Variants in PHACTR1 observed in about 807,000 individuals in gnomAD.
PHACTR1 encodes the protein RPEL repeat containing 1.
PHACTR1 carries 16 observed loss-of-function variants against 69.2 expected under a neutral mutation model. That is an observed-to-expected ratio of 0.23 (90% CI 0.16 to 0.35). The LOEUF is 0.35. Ranked by LOEUF, PHACTR1 falls within the 10% of genes least tolerant of loss-of-function variation. The pLI is 1.00. For synonymous variants in PHACTR1, 312 were observed against 284.5 expected, an observed-to-expected ratio of 1.10 and a Z score of -0.97; for missense variants, 510 against 734.7, an observed-to-expected ratio of 0.69 and a Z score of 3.54.
intron 4 of PHACTR1, among the ~76,000 whole-genome samples, chr6:12,775,599 A>G (rs527875022): frequency 2.0e-5 from 3 of 152,318 alleles, no homozygotes; most frequent in Middle Eastern, 3.4e-3. Context: ...TAAAAAACCC[A>G]TTGTGGTGGA....
At chr6:12,902,107 A>G (rs1785262711) in intron 4 of PHACTR1, among the ~76,000 whole-genome samples, 1 of 152,124 alleles carries the variant, frequency 6.6e-6, no homozygotes, top group Admixed American at 6.6e-5. Context: ...CCAGCCCTCA[A>G]GGTCAGCAGA....
At chr6:12,750,501 AAAG>A (rs1474884654) in intron 4 of PHACTR1, among the ~76,000 whole-genome samples, 6 of 150,024 alleles carry the variant, frequency 4.0e-5, no homozygotes, top group South Asian at 2.2e-4. Flanking sequence ...CTAGGGAAGA[AAAG>A]AAGGAAGGAG....
intron 4 of PHACTR1, among the ~76,000 whole-genome samples, chr6:12,922,346 T>G (rs1291206795): frequency 2.0e-5 from 3 of 152,198 alleles, no homozygotes; most frequent in African/African-American, 4.8e-5. Context: ...TAGCTCTGTC[T>G]TATTTTACGT....
intron 4 of PHACTR1, among the ~76,000 whole-genome samples, chr6:12,775,452 C>T (rs931269260): frequency 3.3e-5 from 5 of 152,206 alleles, no homozygotes; most frequent in Non-Finnish European, 7.3e-5. Context: ...ACTCATTAAT[C>T]GTGTGGCCTA....
intron 8 of PHACTR1, among the ~76,000 whole-genome samples, chr6:13,209,779 G>T (rs192594158): frequency 1.3e-5 from 2 of 152,190 alleles, no homozygotes; most frequent in African/African-American, 4.8e-5. Context: ...AAGAAGGTCT[G>T]ACTGTTAGAA....
chr6:13,208,233 G>C (rs775214393), intron 8 of PHACTR1, among the ~76,000 whole-genome samples: 1 of 152,122 alleles, frequency 6.6e-6, no homozygotes, highest in Non-Finnish European at 1.5e-5. Flanking sequence ...GGTTCACTAA[G>C]TTCCCCAAAG....
intron 7 of PHACTR1, among the ~76,000 whole-genome samples, chr6:13,194,707 T>C (rs1384150968): frequency 6.6e-6 from 1 of 152,228 alleles, no homozygotes; most frequent in Non-Finnish European, 1.5e-5. Flanking sequence ...ATTTGTTAAT[T>C]AGCCTGATTT....
intron 5 of PHACTR1, among the ~76,000 whole-genome samples, chr6:13,101,013 A>G (rs746114993): frequency 2.5e-4 from 38 of 152,360 alleles, no homozygotes; most frequent in South Asian, 1.2e-3. Flanking sequence ...CTGATTTAGT[A>G]AATCTTGAAT....
intron 4 of PHACTR1, among the ~76,000 whole-genome samples, chr6:13,050,504 A>G (rs1561752755): frequency 6.6e-6 from 1 of 152,114 alleles, no homozygotes; most frequent in African/African-American, 2.4e-5. Flanking sequence ...TTTTGATCCC[A>G]CTTCTTCGCC....
intron 5 of PHACTR1, among the ~76,000 whole-genome samples, chr6:13,067,076 T>G (rs1018259354): frequency 6.6e-6 from 1 of 152,212 alleles, no homozygotes; most frequent in Non-Finnish European, 1.5e-5. Context: ...TGTTTCCTTC[T>G]TCCCAGGTAG....
intron 6 of PHACTR1, among the ~76,000 whole-genome samples, chr6:13,181,873 G>GT (rs1363942026): frequency 1.3e-5 from 2 of 152,032 alleles, no homozygotes; most frequent in African/African-American, 2.4e-5. Flanking sequence ...GGCTTGCTGA[G>GT]TTTTTTCCCA....
intron 5 of PHACTR1, among the ~76,000 whole-genome samples, chr6:13,100,429 C>T (rs2127857572): frequency 6.6e-6 from 1 of 152,294 alleles, no homozygotes; most frequent in African/African-American, 2.4e-5. Flanking sequence ...TACGAAGACA[C>T]ACCATTCAGT....
Position 13,053,505 on chromosome 6 carries a change from G to A in PHACTR1, c.391G>A (p.Glu131Lys), listed in dbSNP as rs773584945. The change falls in exon 5 of 15, where the codon GAA becomes AAA. Residue 131 changes from glutamate (E) to lysine (K), a missense_variant. Coordinates refer to ENST00000332995, the MANE Select transcript of PHACTR1 (RefSeq NM_030948.6). The stretch of plus-strand genomic sequence containing the variant: ...TTGGAAATGGAGGAAGAAGAAAAGC[G>A]AAAAGTTCAAACACACGTCAGCAGG... Reference protein sequence around the residue: ...KPWKWRKKKSEKFKHTSAALE... With the variant: ...KPWKWRKKKSKKFKHTSAALE... 8.7e-6 allele frequency: 14 copies of A among 1,613,702 alleles called. No individual in the cohort carries two copies. The highest frequency in any genetic ancestry group is 8.5e-7 in the Non-Finnish European group (1 of 1,179,818).
At chr6:13,037,676 C>T (rs1038007916) in intron 4 of PHACTR1, among the ~76,000 whole-genome samples, 10 of 152,164 alleles carry the variant, frequency 6.6e-5, no homozygotes, top group Admixed American at 2.6e-4. Flanking sequence ...GACTCCAGGG[C>T]GTTAAGAGCA....
chr6:12,948,416 T>A (rs1790909890), intron 4 of PHACTR1, among the ~76,000 whole-genome samples: 1 of 152,196 alleles, frequency 6.6e-6, no homozygotes, highest in Non-Finnish European at 1.5e-5. Context: ...CCCATCATGG[T>A]GACTAGGATA....
chr6:13,011,379 AGGG>A (rs1799430684), intron 4 of PHACTR1, among the ~76,000 whole-genome samples: 1 of 152,216 alleles, frequency 6.6e-6, no homozygotes, highest in Admixed American at 6.5e-5. Context: ...CTGCAAACTC[AGGG>A]AGGACAGTTC....
At chr6:12,883,777 T>C (rs1404295861) in intron 4 of PHACTR1, among the ~76,000 whole-genome samples, 1 of 152,172 alleles carries the variant, frequency 6.6e-6, no homozygotes, top group African/African-American at 2.4e-5. Context: ...TCCCGTTCTT[T>C]ATCTTCTCCT....
At chr6:12,917,793 G>A (rs972567024) in intron 4 of PHACTR1, among the ~76,000 whole-genome samples, 7 of 151,974 alleles carry the variant, frequency 4.6e-5, no homozygotes, top group Non-Finnish European at 7.4e-5. Flanking sequence ...CAAAGGAAAA[G>A]CAGCTCAAAC....
At chr6:13,139,319 C>T (rs1822049741) in intron 5 of PHACTR1, among the ~76,000 whole-genome samples, 1 of 152,152 alleles carries the variant, frequency 6.6e-6, no homozygotes, top group African/African-American at 2.4e-5. Context: ...ATACTGTCTG[C>T]AGCTGCTACA....
Sources: gnomAD v4.1 joint callset for allele counts (sites outside exome capture counted in the v4.1 genomes callset) on GRCh38, gnomAD v4.1.1 for gene constraint, MANE v1.5 for transcripts, NCBI Gene and HGNC (gene_info 2026-07-23, HGNC 2026-07-21) for gene names.